Variants in FBXW8 observed in about 807,000 individuals in gnomAD.
The protein encoded by FBXW8 is F-box and WD repeat domain containing 8, also known as F-box/WD repeat-containing protein 8.
A neutral mutation model predicts 65.3 loss-of-function variants in FBXW8; 57 were observed. That is an observed-to-expected ratio of 0.87 (90% CI 0.71 to 1.09). The LOEUF (loss-of-function observed/expected upper bound fraction) is 1.09. Among genes scored for constraint, FBXW8 ranks in the 50% least tolerant of loss-of-function variants. The pLI, the probability that FBXW8 is intolerant of heterozygous loss-of-function variation, is 0.00. For synonymous variants in FBXW8, 308 were observed against 330.2 expected, an observed-to-expected ratio of 0.93 and a Z score of 0.73; for missense variants, 777 against 814.8, an observed-to-expected ratio of 0.95 and a Z score of 0.57.
At chr12:116,968,480 G>A (rs1002942769) in intron 5 of FBXW8, among the ~76,000 whole-genome samples, 1 of 152,262 alleles carries the variant, frequency 6.6e-6, no homozygotes, top group East Asian at 1.9e-4. Flanking sequence ...AGAGTACCCC[G>A]TTTGCACACC....
At chr12:116,997,294 T>C (rs950144337) in intron 7 of FBXW8, among the ~76,000 whole-genome samples, 1 of 152,142 alleles carries the variant, frequency 6.6e-6, no homozygotes, top group African/African-American at 2.4e-5. Context: ...TTGCATCTTA[T>C]TACAGAAGCC....
rs144681219 is a variant in FBXW8, at chr12:116,940,819, G to A, written c.424-4545G>A. 9.1e-4 allele frequency among the ~76,000 whole-genome samples: 139 copies of A among 152,240 alleles called. 1 individual carries two copies. Among genetic ancestry groups the A allele is most frequent in the African/African-American group, 3.2e-3 (133 of 41,530 alleles). On this transcript the variant is annotated intron_variant, in intron 2 of 10. Coordinates refer to ENST00000652555, the MANE Select transcript of FBXW8 (RefSeq NM_153348.3). ...TGTCTGATAAGATCCTTCTGTGCAT[G>A]GGACTGCACAGCCCATATTTGAGGT...
At chr12:116,969,383 G>C (rs1340761549) in intron 5 of FBXW8, among the ~76,000 whole-genome samples, 3 of 152,192 alleles carry the variant, frequency 2.0e-5, no homozygotes, top group African/African-American at 7.2e-5. Context: ...CCAGACGTCA[G>C]GTGGCGTTAC....
At chr12:116,912,181 T>TC (rs1880006301) in intron 1 of FBXW8, among the ~76,000 whole-genome samples, 8 of 151,264 alleles carry the variant, frequency 5.3e-5, no homozygotes, top group African/African-American at 1.9e-4. Flanking sequence ...GTTTTTTTTT[T>TC]TTTTTCTTTC....
rs1954336152 is a variant in FBXW8, at chr12:117,030,577, T to C, written c.*2405T>C. On this transcript the variant is annotated 3_prime_UTR_variant, in exon 11 of 11. Transcript: ENST00000652555. The stretch of plus-strand genomic sequence containing the variant: ...ATTTTGCAGGCGCATTCGCCCTTCC[T>C]AGTTTGCAGCAATTAAAGATAACGG... 1 of 152,198 alleles carries C rather than the reference T, an allele frequency of 6.6e-6. No individual in the cohort carries two copies. The highest frequency in any genetic ancestry group is 2.1e-4 in the South Asian group (1 of 4,816). The allele number at this position is 152,198 out of a possible 1,614,324, so 9.4% of individuals were successfully genotyped here. A position where few individuals can be genotyped will look rare whatever the true frequency, so the allele number is the denominator to read the frequency against.
chr12:116,957,484 T>TC (rs1379203069), intron 4 of FBXW8, among the ~76,000 whole-genome samples: 2 of 152,216 alleles, frequency 1.3e-5, no homozygotes, highest in Non-Finnish European at 2.9e-5. Context: ...CCCTCAAGGA[T>TC]CGTGTTTCCA....
In FBXW8 at chr12:117,028,409, C is replaced by T. The variant is rs1307652709; in HGVS notation, c.*237C>T. The T allele has an allele frequency of 5.4e-6, 3 of 557,146 alleles. No homozygotes were observed. The highest frequency in any genetic ancestry group is 6.3e-5 in the East Asian group (2 of 31,828). The allele number at this position is 557,146 out of a possible 1,614,324, so 34.5% of individuals were successfully genotyped here. On this transcript the variant is annotated 3_prime_UTR_variant, in exon 11 of 11. Coordinates refer to ENST00000652555, the MANE Select transcript of FBXW8 (RefSeq NM_153348.3). This position sits in a 1 kb window ranked among gnomAD's most constrained non-coding sequence, Gnocchi z 4.1. Reference sequence around the variant, plus strand: ...GCCAACTCAAACATAGCCTCCTTCCCCACCCAGCTGGCCACCCTGGCCTCA... The same window carrying T: ...GCCAACTCAAACATAGCCTCCTTCCTCACCCAGCTGGCCACCCTGGCCTCA...
chr12:117,002,915 G>A (rs1175440620), intron 7 of FBXW8: 1 of 152,114 alleles, frequency 6.6e-6, no homozygotes, highest in Non-Finnish European at 1.5e-5. Context: ...GGCACACCTT[G>A]CATTTTTGTA....
Position 116,945,434 on chromosome 12 carries a change from A to T in FBXW8, c.494A>T (p.His165Leu). Residue 165 changes from histidine to leucine, a missense_variant, in exon 3 of 11, where the codon CAC (histidine) becomes CTC (leucine). By Grantham distance (99) the His-to-Leu change is moderately conservative (BLOSUM62 -3). Coordinates refer to ENST00000652555, the MANE Select transcript of FBXW8 (RefSeq NM_153348.3). ...TACAGGCTGTGCCAGCAGGAAGGGC[A>T]CCTTCCGGATAGCAGCATCTCTGAC... ...LWYRLCQQEGHLPDSSISDYS... is the reference protein window; with the variant it reads ...LWYRLCQQEGLLPDSSISDYS... The T allele has an allele frequency of 6.2e-7, 1 of 1,614,026 alleles. No individual in the cohort carries two copies. Among genetic ancestry groups the T allele is most frequent in the Non-Finnish European group, 8.5e-7 (1 of 1,179,962 alleles).
rs796276298 is a variant in FBXW8 at position 116,924,407 on chromosome 12, GTTTA to G, written c.319-3613_319-3610del. Reference sequence around the variant, plus strand: ...AATTAATGTATCCATCACCTAAAACGTTTATTATTTGTGTTGTAAACATTCAAAA... The same window carrying G: ...AATTAATGTATCCATCACCTAAAACGTTATTTGTGTTGTAAACATTCAAAA... On this transcript the variant is annotated intron_variant, in intron 1 of 10. Transcript: ENST00000652555. Among the ~76,000 whole-genome samples the G allele has an allele frequency of 1.4e-3, 216 of 152,184 alleles. 2 individuals carry two copies. The highest frequency in any genetic ancestry group is 5.0e-3 in the African/African-American group (209 of 41,476).
intron 8 of FBXW8, among the ~76,000 whole-genome samples, chr12:117,019,667 G>T (rs75052267): frequency 0.013 from 2,002 of 152,136 alleles, 54 homozygotes; most frequent in African/African-American, 0.046. Flanking sequence ...TATAAGGTGC[G>T]CATACAGTTT....
chr12:117,010,267 T>A (rs1953770861), intron 7 of FBXW8, 56 bp from the exon 8 acceptor site: 2 of 1,611,106 alleles, frequency 1.2e-6, no homozygotes, highest in Admixed American at 1.7e-5. Context: ...TGAAAGTATT[T>A]GATGTCGGCC....
intron 5 of FBXW8, among the ~76,000 whole-genome samples, chr12:116,984,624 C>T (rs1437318746): frequency 6.6e-6 from 1 of 152,214 alleles, no homozygotes; most frequent in Non-Finnish European, 1.5e-5. Flanking sequence ...TAGGAAATTT[C>T]ACATCTAACT....
intron 5 of FBXW8, among the ~76,000 whole-genome samples, chr12:116,982,944 C>T (rs754447206): frequency 6.6e-6 from 1 of 152,042 alleles, no homozygotes; most frequent in Non-Finnish European, 1.5e-5. Context: ...AAATTCCAGC[C>T]CAACTTCATG....
At chr12:116,985,771 G>A (rs1592925539) in intron 6 of FBXW8, 1 of 174,644 alleles carries the variant, frequency 5.7e-6, no homozygotes, top group East Asian at 1.6e-4. Context: ...TAATATATAA[G>A]TGAGAATGAG....
chr12:116,993,098 C>CTTTTTT (rs71099026), intron 7 of FBXW8, among the ~76,000 whole-genome samples: 51 of 85,392 alleles, frequency 6.0e-4, no homozygotes, highest in Non-Finnish European at 8.1e-4. Flanking sequence ...TGATTTTTGA[C>CTTTTTT]TTTTTTTTTT....
Position 117,027,512 on chromosome 12 carries a change from G to T in FBXW8, c.1652+8G>T, listed in dbSNP as rs775359124. On this transcript the variant is annotated splice_region_variant and intron_variant, in intron 10 of 10. Transcript: ENST00000652555. ...CTTCACTACTCACAGGAGGTTAGTG[G>T]TGGGGCCGGGCGAGTAAGAGACCAT... The T allele has an allele frequency of 1.9e-6, 3 of 1,609,926 alleles. No homozygotes were observed. In the African/African-American group the frequency reaches 4.0e-5, roughly 22 times the overall value.
At chr12:117,000,538 G>A (rs771426709) in intron 7 of FBXW8, among the ~76,000 whole-genome samples, 17 of 152,214 alleles carry the variant, frequency 1.1e-4, no homozygotes, top group South Asian at 4.1e-4. Flanking sequence ...GGTCGAGGGT[G>A]GGGCCTGAGA....
At chr12:117,003,888 C>A (rs1953606933) in intron 7 of FBXW8, among the ~76,000 whole-genome samples, 1 of 152,154 alleles carries the variant, frequency 6.6e-6, no homozygotes, top group African/African-American at 2.4e-5. Flanking sequence ...TGGTTTCATG[C>A]CAATGTCTCT....
Sources: gnomAD v4.1 joint callset for allele counts (sites outside exome capture counted in the v4.1 genomes callset) on GRCh38, gnomAD v4.1.1 for gene constraint, Gnocchi (gnomAD v3.1) non-coding constraint, MANE v1.5 for transcripts, NCBI Gene and HGNC (gene_info 2026-07-23, HGNC 2026-07-21) for gene names.